KLHDC1: variants seen among roughly 807,000 people sequenced by gnomAD.
KLHDC1 encodes the protein kelch domain containing 1.
Under a neutral mutation model 68.3 loss-of-function variants are expected in KLHDC1, and 53 were observed. The ratio of observed to expected loss-of-function variants is 0.78; its 90% CI spans 0.62 to 0.98. KLHDC1 has a LOEUF of 0.98. Among genes scored for constraint, KLHDC1 ranks in the 50% least tolerant of loss-of-function variants. The pLI, the probability that KLHDC1 is intolerant of heterozygous loss-of-function variation, is 0.00. For synonymous variants in KLHDC1, 148 were observed against 159.0 expected, an observed-to-expected ratio of 0.93 and a Z score of 0.52; for missense variants, 470 against 492.3, an observed-to-expected ratio of 0.95 and a Z score of 0.43.
chr14:49,715,329 G>T (rs1381531264), intron 4 of KLHDC1, among the ~76,000 whole-genome samples: 1 of 151,252 alleles, frequency 6.6e-6, no homozygotes, highest in African/African-American at 2.4e-5. Flanking sequence ...CACCATGTTG[G>T]CAAGGATGGT....
Position 49,709,188 on chromosome 14 carries a change from T to C in KLHDC1, c.126T>C (p.Pro42=). 7.2e-7 allele frequency: 1 copy of C among 1,385,966 alleles called. No homozygotes were observed. Among genetic ancestry groups the C allele is most frequent in the Admixed American group, 1.9e-5 (1 of 52,096 alleles). 85.9% of individuals were successfully genotyped at this position (1,385,966 alleles called of 1,614,324 possible). A position where few individuals can be genotyped will look rare whatever the true frequency, so the allele number is the denominator to read the frequency against. The stretch of plus-strand genomic sequence containing the variant: ...TTGAAGACAATGAAGTATATTTGCC[T>C]AATGATGAAATTTGGACCTATGATA... ...VSIEDNEVYL[P]NDEIWTYDID... is the part of the protein sequence containing the mutation. Residue 42 remains proline (P), a synonymous_variant, in exon 2 of 13, where the codon CCT becomes CCC. Coordinates refer to ENST00000359332, the MANE Select transcript of KLHDC1 (RefSeq NM_172193.3).
At chr14:49,747,112 A>G (rs912202043) in intron 12 of KLHDC1, among the ~76,000 whole-genome samples, 3 of 151,894 alleles carry the variant, frequency 2.0e-5, no homozygotes, top group African/African-American at 7.3e-5. Context: ...ACACCCGGCT[A>G]ATTTTTTGTA....
intron 5 of KLHDC1, among the ~76,000 whole-genome samples, chr14:49,724,226 G>C (rs1268033214): frequency 6.6e-6 from 1 of 151,912 alleles, no homozygotes; most frequent in East Asian, 1.9e-4. Context: ...AGAGGCTTTA[G>C]CACAACTTGG....
At chr14:49,743,435 G>A (rs1402773246) in intron 11 of KLHDC1, among the ~76,000 whole-genome samples, 2 of 149,078 alleles carry the variant, frequency 1.3e-5, no homozygotes, top group Non-Finnish European at 3.0e-5. Context: ...AACCACTACC[G>A]TTATTTTTTA....
At chr14:49,720,593 T>C (rs1184115276) in intron 4 of KLHDC1, among the ~76,000 whole-genome samples, 3 of 152,130 alleles carry the variant, frequency 2.0e-5, no homozygotes, top group Non-Finnish European at 4.4e-5. Context: ...CTGAGCTTCT[T>C]GGGTTTGTAG....
intron 1 of KLHDC1, among the ~76,000 whole-genome samples, chr14:49,697,015 C>A (rs959854913): frequency 1.3e-5 from 2 of 151,950 alleles, no homozygotes; most frequent in African/African-American, 4.8e-5. Flanking sequence ...TGGCTCACTG[C>A]AAGCTCTGCC....
chr14:49,694,379 A>G (rs1887672646), intron 1 of KLHDC1, among the ~76,000 whole-genome samples: 1 of 152,278 alleles, frequency 6.6e-6, no homozygotes. Context: ...ACAGACCTGT[A>G]ACGTGACTGA....
chr14:49,739,949 C>T (rs1237360411), intron 10 of KLHDC1, 149 bp from the exon 11 acceptor site: 1 of 498,892 alleles, frequency 2.0e-6, no homozygotes, highest in East Asian at 3.4e-5. Flanking sequence ...TCTTTATAAC[C>T]CTTTTTAGGA....
At chr14:49,735,121 A>G (rs1269097538) in intron 10 of KLHDC1, among the ~76,000 whole-genome samples, 1 of 151,708 alleles carries the variant, frequency 6.6e-6, no homozygotes, top group Non-Finnish European at 1.5e-5. Context: ...TGTTAACTGC[A>G]TGATGTATTC....
chr14:49,722,959 C>T (rs750483145), intron 4 of KLHDC1, among the ~76,000 whole-genome samples: 9 of 151,690 alleles, frequency 5.9e-5, no homozygotes, highest in African/African-American at 1.2e-4. Flanking sequence ...TGGTGGCAGG[C>T]GCCTGTAATC....
chr14:49,723,814 T>G, intron 4 of KLHDC1, 60 bp from the exon 5 acceptor site: 1 of 973,948 alleles, frequency 1.0e-6, no homozygotes, highest in South Asian at 1.6e-5. Context: ...TTTTTCAGCT[T>G]TCTATGAACA....
intron 4 of KLHDC1, among the ~76,000 whole-genome samples, chr14:49,713,552 G>A (rs1439692139): frequency 6.6e-6 from 1 of 151,728 alleles, no homozygotes; most frequent in Non-Finnish European, 1.5e-5. Flanking sequence ...AAAGTGGTCA[G>A]TAAGGTTTTA....
chr14:49,720,417 G>A (rs1386854570), intron 4 of KLHDC1, among the ~76,000 whole-genome samples: 1 of 152,084 alleles, frequency 6.6e-6, no homozygotes. Context: ...ACTGTGCCCA[G>A]TCTGGCCTCC....
At chr14:49,693,358 C>T in intron 1 of KLHDC1, 68 bp downstream of exon 1, 1 of 1,119,252 alleles carries the variant, frequency 8.9e-7, no homozygotes, top group Non-Finnish European at 1.2e-6. Flanking sequence ...GACGCAGCGC[C>T]CGCCACACCC....
In KLHDC1 at chr14:49,725,740, A is replaced by G. The variant is rs766367479; in HGVS notation, c.538A>G (p.Thr180Ala). 3.9e-6 allele frequency: 6 copies of G among 1,557,664 alleles called. No individual in the cohort carries two copies. The highest frequency in any genetic ancestry group is 4.4e-6 in the Non-Finnish European group (5 of 1,147,548). Residue 180 changes from threonine to alanine, a missense_variant, in exon 6 of 13, where the codon ACA becomes GCA. Physicochemically the swap from Thr to Ala is moderately conservative, Grantham distance 58. Coordinates refer to ENST00000359332, the MANE Select transcript of KLHDC1 (RefSeq NM_172193.3). ...HNDVHIFDTK[T>A]QTWFQPEIKG... ...TGATGTCCACATATTTGACACAAAG[A>G]CACAGACTTGGTTTCAACCAGAAAT...
chr14:49,729,770 G>C (rs113229716), intron 8 of KLHDC1, among the ~76,000 whole-genome samples: 1 of 152,238 alleles, frequency 6.6e-6, no homozygotes, highest in African/African-American at 2.4e-5. Context: ...TAAAAGTACT[G>C]GTTTTATACT....
chr14:49,737,373 A>G (rs2139763127), intron 10 of KLHDC1, among the ~76,000 whole-genome samples: 1 of 152,330 alleles, frequency 6.6e-6, no homozygotes, highest in South Asian at 2.1e-4. Flanking sequence ...TGAGGAAAGT[A>G]TTTGGTTTAA....
intron 12 of KLHDC1, among the ~76,000 whole-genome samples, chr14:49,749,554 TG>T (rs1762882545): frequency 6.6e-6 from 1 of 151,716 alleles, no homozygotes; most frequent in Non-Finnish European, 1.5e-5. Context: ...GGCATGCGCC[TG>T]TAGTCCCAGC....
chr14:49,737,863 T>C (rs1202581339), intron 10 of KLHDC1, among the ~76,000 whole-genome samples: 1 of 75,418 alleles, frequency 1.3e-5, no homozygotes, highest in East Asian at 4.1e-4. Flanking sequence ...AGATCCTGTC[T>C]CAAAAAAAAA....
Sources: allele counts gnomAD v4.1 joint callset (sites outside exome capture counted in the v4.1 genomes callset), GRCh38; gene constraint gnomAD v4.1.1; transcripts MANE v1.5; gene names NCBI Gene and HGNC (gene_info 2026-07-23, HGNC 2026-07-21).